LRRC74A: variants seen among roughly 807,000 people sequenced by gnomAD.
LRRC74A encodes the protein leucine-rich repeat-containing protein 74A.
Under a neutral mutation model 57.9 loss-of-function variants are expected in LRRC74A, and 44 were observed. The observed-to-expected ratio is 0.76, with a 90% CI of 0.60 to 0.98. The LOEUF (loss-of-function observed/expected upper bound fraction) is 0.98, where lower values mean the gene tolerates loss of function less well. Among genes scored for constraint, LRRC74A ranks in the 50% least tolerant of loss-of-function variants. The pLI is 0.00. For missense variants in LRRC74A, 572 were observed against 574.0 expected, an observed-to-expected ratio of 1.00 and a Z score of 0.04; for synonymous variants, 211 against 219.4, an observed-to-expected ratio of 0.96 and a Z score of 0.34.
intron 10 of LRRC74A, among the ~76,000 whole-genome samples, chr14:76,857,818 G>A (rs934073717): frequency 6.6e-6 from 1 of 152,162 alleles, no homozygotes; most frequent in African/African-American, 2.4e-5. Context: ...AGTGGCCCTC[G>A]GTCCCTGAAT....
intron 1 of LRRC74A, among the ~76,000 whole-genome samples, chr14:76,827,798 C>T (rs1895679115): frequency 6.6e-6 from 1 of 152,220 alleles, no homozygotes; most frequent in Non-Finnish European, 1.5e-5. Context: ...CTCTCTTGCT[C>T]TCTGGAACTG....
At chr14:76,869,704 G>A (rs1194230747) in intron 13 of LRRC74A, among the ~76,000 whole-genome samples, 1 of 151,052 alleles carries the variant, frequency 6.6e-6, no homozygotes, top group Admixed American at 6.6e-5. Context: ...AGAGGTTGCA[G>A]TGAGCTGAGA....
chr14:76,865,289 A>G (rs1898688152), intron 11 of LRRC74A, among the ~76,000 whole-genome samples: 1 of 152,164 alleles, frequency 6.6e-6, no homozygotes, highest in African/African-American at 2.4e-5. Context: ...TATTTGAGGA[A>G]TGAGAAACCC....
In LRRC74A at chr14:76,826,505, C is replaced by G. The variant is rs1248930953; in HGVS notation, c.-193C>G. 1.9e-6 allele frequency: 3 copies of G among 1,591,346 alleles called. No individual in the cohort carries two copies. The highest frequency in any genetic ancestry group is 1.7e-4 in the Middle Eastern group (1 of 6,030). ...AGTTGGGGTCAAATTCATGCACATC[C>G]AATTCCCATCAAAGCCTACTCTTCC... On this transcript the variant is annotated 5_prime_UTR_variant, in exon 1 of 14. Transcript: ENST00000689127.
intron 2 of LRRC74A, among the ~76,000 whole-genome samples, chr14:76,830,356 C>A (rs1204385826): frequency 6.6e-6 from 1 of 152,228 alleles, no homozygotes; most frequent in African/African-American, 2.4e-5. Context: ...AATGAGGACA[C>A]AGCTGTGGGG....
chr14:76,849,738 G>C (rs984631180), intron 7 of LRRC74A, among the ~76,000 whole-genome samples: 1 of 150,694 alleles, frequency 6.6e-6, no homozygotes, highest in African/African-American at 2.4e-5. Context: ...GGGAGGCAGA[G>C]GTTGCAGTGA....
At chr14:76,864,409 A>AGGGGGGGGGGGGGGGGGGGG (rs1898583266) in intron 11 of LRRC74A, among the ~76,000 whole-genome samples, 1 of 824 alleles carries the variant, frequency 1.2e-3, no homozygotes. Flanking sequence ...GAGTGAGAGG[A>AGGGGGGGGGGGGGGGGGGGG]AGGGGGGGGG....
intron 1 of LRRC74A, 74 bp downstream of exon 1, chr14:76,826,808 A>G: frequency 9.8e-7 from 1 of 1,022,066 alleles, no homozygotes. Flanking sequence ...TGATCACAGG[A>G]CCCTGAAGCC....
In LRRC74A at chr14:76,843,781, T is replaced by C. The variant is rs183272560; in HGVS notation, c.545-642T>C. 3.4e-5 allele frequency among the ~76,000 whole-genome samples: 5 copies of C among 146,528 alleles called. No individual in the cohort carries two copies. In the East Asian group the frequency reaches 1.0e-3, roughly 30 times the overall value. On this transcript the variant is annotated intron_variant, in intron 5 of 13. Transcript: ENST00000689127. Reference sequence around the variant, plus strand: ...CAGTGGCGTTGTGATCTCAGCTCACTGCAATCTCCACCTCCCAGATTCAAG... The same window carrying C: ...CAGTGGCGTTGTGATCTCAGCTCACCGCAATCTCCACCTCCCAGATTCAAG...
chr14:76,859,897 T>C (rs1245935681), intron 10 of LRRC74A, among the ~76,000 whole-genome samples: 1 of 152,008 alleles, frequency 6.6e-6, no homozygotes, highest in Admixed American at 6.6e-5. Context: ...AGGCTGGTCT[T>C]GAATTTCCGA....
intron 7 of LRRC74A, among the ~76,000 whole-genome samples, chr14:76,849,301 C>T (rs1897287571): frequency 6.6e-6 from 1 of 151,756 alleles, no homozygotes; most frequent in Non-Finnish European, 1.5e-5. Flanking sequence ...GATTATACGC[C>T]CAAGCCATCA....
chr14:76,845,669 A>C (rs577827747), intron 7 of LRRC74A, among the ~76,000 whole-genome samples: 2 of 152,324 alleles, frequency 1.3e-5, no homozygotes, highest in East Asian at 3.9e-4. Flanking sequence ...ATATTTGACA[A>C]CAATACATTT....
chr14:76,866,474 C>A (rs978438775), intron 12 of LRRC74A, among the ~76,000 whole-genome samples: 14 of 152,134 alleles, frequency 9.2e-5, no homozygotes, highest in Non-Finnish European at 1.8e-4. Flanking sequence ...CCTCTCGCTC[C>A]CCATGTAATA....
intron 5 of LRRC74A, among the ~76,000 whole-genome samples, chr14:76,839,214 A>T (rs1566722561): frequency 6.6e-6 from 1 of 152,228 alleles, no homozygotes; most frequent in Non-Finnish European, 1.5e-5. Flanking sequence ...CAGGAGCACA[A>T]TTACTGAATA....
chr14:76,827,952 A>T (rs1895693286), intron 1 of LRRC74A, among the ~76,000 whole-genome samples: 1 of 152,188 alleles, frequency 6.6e-6, no homozygotes, highest in Admixed American at 6.5e-5. Flanking sequence ...AAAGAGTAAC[A>T]GCACACCCCA....
In LRRC74A at chr14:76,826,615, G is replaced by T. The variant is rs1895590377; in HGVS notation, c.-83G>T. 1.9e-6 allele frequency: 3 copies of T among 1,612,218 alleles called. No individual in the cohort carries two copies. Among genetic ancestry groups the T allele is most frequent in the Non-Finnish European group, 2.5e-6 (3 of 1,179,280 alleles). ...GAAGTTCACAGAGTTTGAGACAGAG[G>T]TGAATGGACAGGTGTGCTTCTTAGG... On this transcript the variant is annotated 5_prime_UTR_variant, in exon 1 of 14. Transcript: ENST00000689127.
chr14:76,838,199 T>C (rs1896506118), intron 5 of LRRC74A, among the ~76,000 whole-genome samples: 1 of 152,188 alleles, frequency 6.6e-6, no homozygotes, highest in Non-Finnish European at 1.5e-5. Context: ...ATTTATCATG[T>C]ACTTTACCAC....
chr14:76,828,231 T>G, intron 1 of LRRC74A, 60 bp from the exon 2 acceptor site: 1 of 1,539,676 alleles, frequency 6.5e-7, no homozygotes, highest in Non-Finnish European at 8.8e-7. Flanking sequence ...AGCGGCAGGC[T>G]TTATTGGGAG....
In LRRC74A at chr14:76,867,377, C is replaced by A. The variant is rs374223623; in HGVS notation, c.1330C>A (p.Gln444Lys). The A allele has an allele frequency of 3.2e-6, 5 of 1,586,370 alleles. No individual in the cohort carries two copies. The highest frequency in any genetic ancestry group is 4.3e-6 in the Non-Finnish European group (5 of 1,156,282). The change falls in exon 13 of 14, where the codon CAG (glutamine) becomes AAG (lysine). Residue 444 changes from glutamine (Q) to lysine (K), a missense_variant. By Grantham distance (53) the Gln-to-Lys change is moderately conservative. Transcript: ENST00000689127. ...MIEQNKVPLN[Q>K]YQVREVIKKL... ...TCAGCAAAACAAGGTCCCCCTGAAC[C>A]AGTACCAGGTCAGGGAGGTGATAAA...
Sources: allele counts gnomAD v4.1 joint callset (sites outside exome capture counted in the v4.1 genomes callset), GRCh38; gene constraint gnomAD v4.1.1; transcripts MANE v1.5; gene names NCBI Gene and HGNC (gene_info 2026-07-23, HGNC 2026-07-21).